The following ANKRD30B variants were observed in gnomAD, a reference collection of about 807,000 sequenced individuals.
ANKRD30B encodes ankyrin repeat domain 30B.
In ANKRD30B, 144 loss-of-function variants were observed where a neutral mutation model predicts 202.2. That is an observed-to-expected ratio of 0.71 (90% CI 0.62 to 0.82). The LOEUF is 0.82. Ranked by LOEUF, ANKRD30B falls within the 40% of genes least tolerant of loss-of-function variation. The pLI, the probability that ANKRD30B is intolerant of heterozygous loss-of-function variation, is 0.00. For missense variants in ANKRD30B, 1,487 were observed against 1,669.1 expected (o/e 0.89, Z 1.90); for synonymous variants, 508 against 561.3 (o/e 0.91, Z 1.34).
At chr18:14,939,757 G>A in the ANKRD30B span, among the ~76,000 whole-genome samples, 1 of 152,164 alleles carries the variant, frequency 6.6e-6, no homozygotes, top group East Asian at 1.9e-4. Context: ...TAATAAAGTA[G>A]TTCATTTTAA....
chr18:14,860,227 C>T, the ANKRD30B span, among the ~76,000 whole-genome samples: 1 of 144,990 alleles, frequency 6.9e-6, no homozygotes, highest in Non-Finnish European at 1.5e-5. Context: ...TCCTCACTTC[C>T]CAGACGGGGC....
the ANKRD30B span, among the ~76,000 whole-genome samples, chr18:14,892,762 A>C: frequency 6.6e-6 from 1 of 151,074 alleles, no homozygotes; most frequent in African/African-American, 2.4e-5. Context: ...AAAAAAAAAA[A>C]AAAAAATTAG....
chr18:14,826,693 T>TCTCTCTCACACACACACA (rs762792279), intron 32 of ANKRD30B, among the ~76,000 whole-genome samples: 16 of 125,044 alleles, frequency 1.3e-4, no homozygotes, highest in East Asian at 7.7e-4. Flanking sequence ...TCTCTCTCTC[T>TCTCTCTCACACACACACA]CACACACACA....
chr18:14,888,882 C>T, the ANKRD30B span: 12 of 1,057,580 alleles, frequency 1.1e-5, no homozygotes, highest in Non-Finnish European at 1.5e-5. Flanking sequence ...AAGTTACAAT[C>T]TTCATTGCAT....
chr18:14,819,955 G>A (rs1373277069), intron 30 of ANKRD30B, among the ~76,000 whole-genome samples: 1 of 152,092 alleles, frequency 6.6e-6, no homozygotes, highest in Non-Finnish European at 1.5e-5. Context: ...ACCTTGGGCA[G>A]TATGGCCATT....
the ANKRD30B span, among the ~76,000 whole-genome samples, chr18:14,903,411 G>A: frequency 6.6e-6 from 1 of 152,138 alleles, no homozygotes; most frequent in African/African-American, 2.4e-5. Context: ...GATTACTGAA[G>A]AGAATAAATA....
chr18:14,907,099 A>T, the ANKRD30B span, among the ~76,000 whole-genome samples: 1 of 152,206 alleles, frequency 6.6e-6, no homozygotes, highest in Non-Finnish European at 1.5e-5. Flanking sequence ...TTTAGAGAGA[A>T]TAGATTGTAA....
intron 11 of ANKRD30B, among the ~76,000 whole-genome samples, chr18:14,782,202 T>C (rs1392850328): frequency 6.6e-6 from 1 of 152,110 alleles, no homozygotes; most frequent in African/African-American, 2.4e-5. Context: ...GCTTTCTTGA[T>C]TTTTTGGTGC....
At chr18:14,764,703 G>T (rs1232316610) in intron 7 of ANKRD30B, among the ~76,000 whole-genome samples, 1 of 152,066 alleles carries the variant, frequency 6.6e-6, no homozygotes, top group Non-Finnish European at 1.5e-5. Context: ...CCCACTTTTG[G>T]TTGGCTAATT....
At chr18:14,793,353 C>T (rs1042668781) in intron 16 of ANKRD30B, among the ~76,000 whole-genome samples, 12 of 152,138 alleles carry the variant, frequency 7.9e-5, no homozygotes, top group East Asian at 1.9e-4. Context: ...TGTAATGATA[C>T]AAATTATTAT....
intron 4 of ANKRD30B, among the ~76,000 whole-genome samples, chr18:14,755,269 G>A (rs1417955579): frequency 2.0e-5 from 3 of 151,910 alleles, no homozygotes; most frequent in Non-Finnish European, 2.9e-5. Context: ...TTTTCTATTA[G>A]CTAAAGTGGT....
At chr18:14,763,526 G>A (rs1406582055) in intron 6 of ANKRD30B, among the ~76,000 whole-genome samples, 160 bp from the exon 7 acceptor site, 2 of 151,864 alleles carry the variant, frequency 1.3e-5, no homozygotes, top group Non-Finnish European at 2.9e-5. Flanking sequence ...CTCTAGCCTG[G>A]GTAACAGAGC....
At chr18:14,764,886 G>A (rs1451335061) in intron 7 of ANKRD30B, among the ~76,000 whole-genome samples, 1 of 152,120 alleles carries the variant, frequency 6.6e-6, no homozygotes, top group Non-Finnish European at 1.5e-5. Flanking sequence ...CCAGTCACTA[G>A]GAAAGCAAAT....
intron 33 of ANKRD30B, among the ~76,000 whole-genome samples, chr18:14,829,148 T>C (rs1347785432): frequency 6.6e-6 from 1 of 152,166 alleles, no homozygotes; most frequent in Non-Finnish European, 1.5e-5. Flanking sequence ...TTTATTTCTT[T>C]CTGCCAGCCC....
chr18:14,790,856 T>A (rs12326967), intron 15 of ANKRD30B, among the ~76,000 whole-genome samples: 76,039 of 150,690 alleles, frequency 0.5, 19,285 homozygotes, highest in Non-Finnish European at 0.52. Context: ...ATTCTCTTTT[T>A]TTTGTTGTGT....
chr18:14,784,093 C>T (rs1251208619), intron 12 of ANKRD30B, among the ~76,000 whole-genome samples: 5 of 152,090 alleles, frequency 3.3e-5, no homozygotes, highest in African/African-American at 4.8e-5. Flanking sequence ...CCTTTTTACA[C>T]GTGAAACACA....
Position 14,757,814 on chromosome 18 carries a change from G to A in ANKRD30B, c.618-1G>A. 3 of 1,611,212 alleles carry A rather than the reference G, an allele frequency of 1.9e-6. No homozygotes were observed. The highest frequency in any genetic ancestry group is 2.5e-6 in the Non-Finnish European group (3 of 1,179,138). On this transcript the variant is annotated splice_acceptor_variant, in intron 4 of 43. Transcript: ENST00000690538. LOFTEE classifies it high-confidence loss of function. ...AATAAGTTATCTCTTTGTTATTTTAGCACAGCCCTCATGCTTGCCATATGT... is the reference window on the plus strand; with the variant it reads ...AATAAGTTATCTCTTTGTTATTTTAACACAGCCCTCATGCTTGCCATATGT...
At chr18:14,924,165 C>T in the ANKRD30B span, among the ~76,000 whole-genome samples, 2 of 152,196 alleles carry the variant, frequency 1.3e-5, no homozygotes, top group Non-Finnish European at 2.9e-5. Context: ...AGAAACCATC[C>T]TTCTCACCTT....
At chr18:14,758,095 CT>C in intron 5 of ANKRD30B, 143 bp downstream of exon 5, 1 of 903,450 alleles carries the variant, frequency 1.1e-6, no homozygotes, top group Non-Finnish European at 1.6e-6. Flanking sequence ...GTCCAGGATT[CT>C]TTATTTTAGG....
Sources: gnomAD v4.1 joint callset for allele counts (sites outside exome capture counted in the v4.1 genomes callset) on GRCh38, gnomAD v4.1.1 for gene constraint, MANE v1.5 for transcripts, NCBI Gene and HGNC (gene_info 2026-07-23, HGNC 2026-07-21) for gene names.